The following CACNA1H variants were observed in gnomAD, a reference collection of about 807,000 sequenced individuals.
The protein encoded by CACNA1H is calcium voltage-gated channel subunit alpha1 H.
In CACNA1H, 149 loss-of-function variants were observed where a neutral mutation model predicts 192.5. The ratio of observed to expected loss-of-function variants is 0.77; its 90% CI spans 0.68 to 0.89. CACNA1H has a LOEUF of 0.89. Among genes scored for constraint, CACNA1H ranks in the 40% least tolerant of loss-of-function variants. CACNA1H has a pLI of 0.00. For synonymous variants in CACNA1H, 2,202 were observed against 1,475.2 expected, an observed-to-expected ratio of 1.49 and a Z score of -11.29; for missense variants, 4,257 against 3,423.5, an observed-to-expected ratio of 1.24 and a Z score of -6.08.
intron 9 of CACNA1H, among the ~76,000 whole-genome samples, chr16:1,202,980 G>A (rs569294075): frequency 6.6e-6 from 1 of 152,178 alleles, no homozygotes; most frequent in Admixed American, 6.5e-5. Context: ...CCAGGTGAAT[G>A]GGAGACTCCA....
chr16:1,208,047 C>T lies in CACNA1H; in HGVS notation c.3189C>T (p.Asn1063=), dbSNP rs61394370. 2,234 of 1,607,400 alleles carry T rather than the reference C, an allele frequency of 1.4e-3. 22 individuals carry two copies. In the African/African-American group the frequency reaches 0.026, roughly 18 times the overall value. Residue 1063 remains asparagine, a synonymous_variant, in exon 16 of 35, where the codon AAC becomes AAT. Transcript: ENST00000348261. The part of the protein sequence containing the change: ...LKMCSLAVTP[N]GHLEGRGSLS... ...TGTGTTCCCTGGCCGTGACCCCCAA[C>T]GGGCACCTGGAGGGACGAGGCAGCC...
chr16:1,200,961 G>C (rs542504208), intron 8 of CACNA1H, among the ~76,000 whole-genome samples, 153 bp downstream of exon 8: 1 of 152,204 alleles, frequency 6.6e-6, no homozygotes, highest in East Asian at 1.9e-4. Flanking sequence ...GGGGTGGGGA[G>C]GTGTGGCTGG....
chr16:1,178,674 G>T (rs1209686633), intron 2 of CACNA1H, among the ~76,000 whole-genome samples: 1 of 152,092 alleles, frequency 6.6e-6, no homozygotes, highest in Non-Finnish European at 1.5e-5. Context: ...CCCCAAAGGG[G>T]CCACACTGTC....
intron 2 of CACNA1H, among the ~76,000 whole-genome samples, chr16:1,190,435 C>T (rs1341901879): frequency 5.3e-5 from 8 of 152,238 alleles, no homozygotes; most frequent in Non-Finnish European, 1.2e-4. Context: ...CCTGCTCAGC[C>T]CAGAGCTGCC....
In CACNA1H at chr16:1,209,154, A is replaced by G; in HGVS notation, c.3486A>G (p.Glu1162=). 6.4e-7 allele frequency: 1 copy of G among 1,553,596 alleles called. No individual in the cohort carries two copies. Among genetic ancestry groups the G allele is most frequent in the Non-Finnish European group, 8.7e-7 (1 of 1,149,668 alleles). ...TCAAGCGCCGCGGCCAGTGTGGGGAACGTGAGTCCCTGCTGTCTGGCGAGG... is the reference window on the plus strand; with the variant it reads ...TCAAGCGCCGCGGCCAGTGTGGGGAGCGTGAGTCCCTGCTGTCTGGCGAGG... ...PSLKRRGQCG[E]RESLLSGEGK... The change falls in exon 17 of 35, where the codon GAA becomes GAG. Residue 1162 remains glutamate, a synonymous_variant. Coordinates refer to ENST00000348261, the MANE Select transcript of CACNA1H (RefSeq NM_021098.3).
At chr16:1,188,326 G>C (rs556476620) in intron 2 of CACNA1H, among the ~76,000 whole-genome samples, 83 of 152,198 alleles carry the variant, frequency 5.5e-4, no homozygotes, top group Non-Finnish European at 1.0e-3. Context: ...GGCTTCTGAG[G>C]AACCCCTGTC....
chr16:1,161,262 A>C (rs1320794734), intron 2 of CACNA1H, among the ~76,000 whole-genome samples: 5 of 152,062 alleles, frequency 3.3e-5, no homozygotes, highest in Non-Finnish European at 7.4e-5. Flanking sequence ...GTGACACGGG[A>C]TGTTGGCATT....
chr16:1,202,580 AC>A, intron 9 of CACNA1H, 128 bp downstream of exon 9: 1 of 842,460 alleles, frequency 1.2e-6, no homozygotes, highest in Non-Finnish European at 1.8e-6. Flanking sequence ...TGTGAAACAG[AC>A]CAGCTATGCC....
Position 1,208,164 on chromosome 16 carries a change from C to A in CACNA1H, c.3306C>A (p.Asp1102Glu). The change falls in exon 16 of 35, where the codon GAC (aspartate) becomes GAA (glutamate). Residue 1102 changes from aspartate (D) to glutamate (E), a missense_variant. Asp to Glu is a conservative substitution (Grantham distance 45). Coordinates refer to ENST00000348261, the MANE Select transcript of CACNA1H (RefSeq NM_021098.3). ...TGGATGCAGCCCCCAGCCTCCCAGA[C>A]TCTCGGCGTGGCAGCAGCAGCTCCG... is the stretch of plus-strand genomic sequence containing the variant. ...PFLDAAPSLP[D>E]SRRGSSSSGD... is the part of the protein sequence containing the mutation. 2 of 1,571,426 alleles carry A rather than the reference C, an allele frequency of 1.3e-6. No individual in the cohort carries two copies. Among genetic ancestry groups the A allele is most frequent in the Non-Finnish European group, 1.7e-6 (2 of 1,160,430 alleles).
In CACNA1H at chr16:1,220,151, C is replaced by G; in HGVS notation, c.6219C>G (p.Thr2073=). The change falls in exon 35 of 35, where the codon ACC becomes ACG. Residue 2073 remains threonine (T), a synonymous_variant. Transcript: ENST00000348261. ...CCAGCGTCCGCACTCGTAAGCATAC[C>G]TTCGGACAGCGCTGCGTCTCCAGCC... The part of the protein sequence containing the change: ...RPASVRTRKH[T]FGQRCVSSRP... The G allele has an allele frequency of 6.6e-7, 1 of 1,521,314 alleles. No homozygotes were observed. The highest frequency in any genetic ancestry group is 8.8e-7 in the Non-Finnish European group (1 of 1,136,178). The allele number at this position is 1,521,314 out of a possible 1,614,324, so 94.2% of individuals were successfully genotyped here.
At chr16:1,173,290 C>T (rs1269637202) in intron 2 of CACNA1H, among the ~76,000 whole-genome samples, 1 of 152,088 alleles carries the variant, frequency 6.6e-6, no homozygotes, top group Admixed American at 6.5e-5. Context: ...TCGGGAGGCC[C>T]AGCAGGCAAA....
intron 2 of CACNA1H, 74 bp from the exon 3 acceptor site, chr16:1,194,898 G>T: frequency 1.8e-6 from 2 of 1,097,656 alleles, no homozygotes; most frequent in Non-Finnish European, 1.4e-6. Context: ...CCGGCTGACC[G>T]GGTGGGCATT....
chr16:1,192,604 A>T (rs1966720452), intron 2 of CACNA1H, among the ~76,000 whole-genome samples: 1 of 152,194 alleles, frequency 6.6e-6, no homozygotes, highest in Non-Finnish European at 1.5e-5. Flanking sequence ...GGTGGCAGGA[A>T]CTGCCAGGGT....
chr16:1,195,848 A>C, intron 4 of CACNA1H, 78 bp from the exon 5 acceptor site: 1 of 1,137,786 alleles, frequency 8.8e-7, no homozygotes, highest in East Asian at 2.3e-5. Flanking sequence ...ATGCCTGCCC[A>C]CCCTACTTTG....
chr16:1,174,238 G>A (rs1335953075), intron 2 of CACNA1H, among the ~76,000 whole-genome samples: 1 of 152,212 alleles, frequency 6.6e-6, no homozygotes, highest in Non-Finnish European at 1.5e-5. Flanking sequence ...GAAGTCTCCT[G>A]TGGGGCTCCT....
At chr16:1,190,971 A>C (rs1393275029) in intron 2 of CACNA1H, among the ~76,000 whole-genome samples, 3 of 146,506 alleles carry the variant, frequency 2.0e-5, no homozygotes, top group African/African-American at 7.9e-5. Context: ...CCTCAGGCAC[A>C]CTCGGGGTTT....
chr16:1,168,564 T>G (rs1415680959), intron 2 of CACNA1H, among the ~76,000 whole-genome samples: 2 of 151,714 alleles, frequency 1.3e-5, no homozygotes, highest in Non-Finnish European at 2.9e-5. Context: ...CTGGAGGTGG[T>G]GACAGGTGGG....
chr16:1,158,770 A>G (rs1235801502), intron 2 of CACNA1H, among the ~76,000 whole-genome samples: 1 of 151,930 alleles, frequency 6.6e-6, no homozygotes, highest in Non-Finnish European at 1.5e-5. Context: ...AGAGAGCTCT[A>G]GTTCCACAAC....
chr16:1,161,246 C>T (rs1286934355), intron 2 of CACNA1H, among the ~76,000 whole-genome samples: 1 of 152,158 alleles, frequency 6.6e-6, no homozygotes, highest in Non-Finnish European at 1.5e-5. Flanking sequence ...GTGGATGGAC[C>T]GTTAGGTGAC....
Sources: gnomAD v4.1 joint callset for allele counts (sites outside exome capture counted in the v4.1 genomes callset) on GRCh38, gnomAD v4.1.1 for gene constraint, MANE v1.5 for transcripts, NCBI Gene and HGNC (gene_info 2026-07-23, HGNC 2026-07-21) for gene names.